The following OR10J1 variants were observed in gnomAD, a reference collection of about 807,000 sequenced individuals.
The protein encoded by OR10J1 is olfactory receptor family 10 subfamily J member 1.
For missense variants in OR10J1, 474 were observed against 376.6 expected (o/e 1.26, Z -2.14); for synonymous variants, 202 against 143.8 (o/e 1.40, Z -2.89).
chr1:159,439,959 C>T lies in OR10J1; in HGVS notation c.168C>T (p.His56=). 5 of 1,614,148 alleles carry T rather than the reference C, an allele frequency of 3.1e-6. No individual in the cohort carries two copies. Among genetic ancestry groups the T allele is most frequent in the Non-Finnish European group, 4.2e-6 (5 of 1,180,012 alleles). ...TCATCCGAATGGATCTTCATCTTCA[C>T]ACACCCATGTACTTCTTCCTGAGCA... ...VTIIRMDLHL[H]TPMYFFLSML... is the part of the protein sequence containing the mutation. The change falls in exon 1 of 1, where the codon CAC becomes CAT. Residue 56 remains histidine (H), a synonymous_variant. Coordinates refer to ENST00000423932, the MANE Select transcript of OR10J1 (RefSeq NM_012351.3).
the OR10J1 span, among the ~76,000 whole-genome samples, chr1:159,428,134 T>C: frequency 6.6e-6 from 1 of 152,050 alleles, no homozygotes; most frequent in Admixed American, 6.6e-5. Context: ...AAGACAAAAA[T>C]GTATCTATAA....
the OR10J1 span, among the ~76,000 whole-genome samples, chr1:159,400,410 G>C: frequency 6.6e-6 from 1 of 151,554 alleles, no homozygotes; most frequent in African/African-American, 2.4e-5. Flanking sequence ...AAACTAAAAA[G>C]AGCAGGAGTC....
At chr1:159,405,436 T>A in the OR10J1 span, 2 of 165,540 alleles carry the variant, frequency 1.2e-5, no homozygotes, top group African/African-American at 2.4e-5. Context: ...CTTGATACAC[T>A]GGGGGTTGAA....
At chr1:159,432,726 A>T in the OR10J1 span, 1 of 403,348 alleles carries the variant, frequency 2.5e-6, no homozygotes, top group East Asian at 3.6e-5. Context: ...TGCTAATCTC[A>T]TCTCCCACTT....
chr1:159,397,511 G>A, the OR10J1 span, among the ~76,000 whole-genome samples: 1 of 152,154 alleles, frequency 6.6e-6, no homozygotes. Flanking sequence ...GGGCCAGAGG[G>A]GAGCCCACTA....
At chr1:159,426,501 C>A in the OR10J1 span, among the ~76,000 whole-genome samples, 1 of 151,690 alleles carries the variant, frequency 6.6e-6, no homozygotes, top group South Asian at 2.1e-4. Context: ...ATGTATAAGG[C>A]CCTAACAACT....
upstream of OR10J1, among the ~76,000 whole-genome samples, chr1:159,434,949 A>T (rs534541530): frequency 1.4e-4 from 22 of 152,224 alleles, no homozygotes; most frequent in South Asian, 4.4e-3. Flanking sequence ...TTGTCAATAG[A>T]ATTCCCTTTT....
the OR10J1 span, among the ~76,000 whole-genome samples, chr1:159,398,580 A>G: frequency 6.6e-6 from 1 of 152,210 alleles, no homozygotes; most frequent in Non-Finnish European, 1.5e-5. Flanking sequence ...TAAGAAATCA[A>G]GCAGAAATTC....
chr1:159,431,242 C>T, the OR10J1 span, among the ~76,000 whole-genome samples: 2,354 of 152,294 alleles, frequency 0.015, 53 homozygotes, highest in East Asian at 0.061. Flanking sequence ...GGAGTGTCTC[C>T]TCTCACTTCC....
chr1:159,405,766 C>T, the OR10J1 span: 9 of 1,306,918 alleles, frequency 6.9e-6, no homozygotes, highest in South Asian at 9.5e-5. Context: ...GACACAGACA[C>T]TGACAACAAA....
At position 159,440,311 on chromosome 1, in the gene OR10J1, C is replaced by G. The variant is rs771261208; in HGVS notation, c.520C>G (p.Pro174Ala). The G allele has an allele frequency of 1.4e-5, 23 of 1,614,118 alleles. No homozygotes were observed. The South Asian group carries it at 2.5e-4, about 18-fold the overall frequency. Residue 174 changes from proline to alanine, a missense_variant, in exon 1 of 1, where the codon CCC (proline) becomes GCC (alanine). By Grantham distance (27) the Pro-to-Ala change is conservative (BLOSUM62 -1). Transcript: ENST00000423932. ...FRLPFCARKVPHFFCDIRPVM... is the reference protein window; with the variant it reads ...FRLPFCARKVAHFFCDIRPVM... ...GTTACCCTTCTGTGCTAGAAAGGTG[C>G]CCCACTTCTTCTGTGACATCCGCCC... is the stretch of plus-strand genomic sequence containing the variant.
the OR10J1 span, among the ~76,000 whole-genome samples, chr1:159,398,365 A>G: frequency 6.6e-6 from 1 of 152,182 alleles, no homozygotes; most frequent in Non-Finnish European, 1.5e-5. Context: ...AGCATCAACC[A>G]TCAACATTGT....
the OR10J1 span, among the ~76,000 whole-genome samples, chr1:159,402,150 A>G: frequency 6.6e-6 from 1 of 151,856 alleles, no homozygotes; most frequent in Admixed American, 6.6e-5. Flanking sequence ...ACTGAATGAT[A>G]CTAGCTGAAT....
chr1:159,430,638 A>ACGG, the OR10J1 span, among the ~76,000 whole-genome samples: 1 of 28,536 alleles, frequency 3.5e-5, no homozygotes, highest in Admixed American at 5.0e-4. Context: ...CAAAAAAATT[A>ACGG]TGGTGTGTGT....
chr1:159,418,159 A>T, the OR10J1 span, among the ~76,000 whole-genome samples: 1 of 152,222 alleles, frequency 6.6e-6, no homozygotes, highest in African/African-American at 2.4e-5. Flanking sequence ...ATAGAAAAGA[A>T]ACTTCCATTT....
upstream of OR10J1, among the ~76,000 whole-genome samples, chr1:159,433,888 G>A (rs948004369): frequency 2.6e-5 from 4 of 152,120 alleles, no homozygotes; most frequent in African/African-American, 9.7e-5. Context: ...TTATTAAAAG[G>A]AAGAAAGAAG....
In OR10J1 at chr1:159,440,591, G is replaced by A; in HGVS notation, c.800G>A (p.Arg267Lys). The A allele has an allele frequency of 1.2e-6, 2 of 1,613,516 alleles. No individual in the cohort carries two copies. The highest frequency in any genetic ancestry group is 1.7e-6 in the Non-Finnish European group (2 of 1,179,900). Reference sequence around the variant, plus strand: ...CTCAAGCCCAAGTCAGAGAACACCAGAGAACATGACCAGCTGATCTCGGTG... The same window carrying A: ...CTCAAGCCCAAGTCAGAGAACACCAAAGAACATGACCAGCTGATCTCGGTG... The part of the protein sequence containing the change: ...AYLKPKSENT[R>K]EHDQLISVTY... Residue 267 changes from arginine (R) to lysine (K), a missense_variant, in exon 1 of 1, where the codon AGA (arginine) becomes AAA (lysine). Physicochemically the swap from Arg to Lys is conservative, Grantham distance 26. Transcript: ENST00000423932.
chr1:159,413,300 A>G, the OR10J1 span, among the ~76,000 whole-genome samples: 2 of 152,062 alleles, frequency 1.3e-5, no homozygotes, highest in Admixed American at 6.6e-5. Context: ...AGGGATCTAG[A>G]ACTAGAAATA....
the OR10J1 span, chr1:159,405,717 G>T: frequency 1.9e-5 from 14 of 745,994 alleles, no homozygotes; most frequent in Middle Eastern, 3.4e-4. Context: ...AGATGATGAG[G>T]TCATAGGAGA....
Sources: allele counts gnomAD v4.1 joint callset (sites outside exome capture counted in the v4.1 genomes callset), GRCh38; gene constraint gnomAD v4.1.1; transcripts MANE v1.5; gene names NCBI Gene and HGNC (gene_info 2026-07-23, HGNC 2026-07-21).